NFATC3: variants seen among roughly 807,000 people sequenced by gnomAD.
NFATC3 encodes nuclear factor of activated T-cells, cytoplasmic 3.
A neutral mutation model predicts 98.6 loss-of-function variants in NFATC3; 46 were observed. That is an observed-to-expected ratio of 0.47 (90% confidence interval 0.37 to 0.60). The LOEUF is 0.60. Among genes scored for constraint, NFATC3 ranks in the 20% least tolerant of loss-of-function variants. The pLI, the probability that NFATC3 is intolerant of heterozygous loss-of-function variation, is 0.00. For missense variants in NFATC3, 1,256 were observed against 1,295.5 expected (o/e 0.97, Z 0.47); for synonymous variants, 512 against 472.2 (o/e 1.08, Z -1.09).
At chr16:68,126,683 G>C (rs1474735377) in intron 3 of NFATC3, 73 bp downstream of exon 3, 1 of 1,456,426 alleles carries the variant, frequency 6.9e-7, no homozygotes, top group Non-Finnish European at 9.4e-7. Flanking sequence ...ATTCAGTTAG[G>C]TACTAGAGAG....
chr16:68,138,978 C>G (rs1567516549), intron 3 of NFATC3, among the ~76,000 whole-genome samples: 1 of 152,158 alleles, frequency 6.6e-6, no homozygotes, highest in African/African-American at 2.4e-5. Context: ...ATTCACCTAT[C>G]TATCCATTTA....
chr16:68,103,617 C>G (rs929880175), intron 1 of NFATC3, among the ~76,000 whole-genome samples: 2 of 152,186 alleles, frequency 1.3e-5, no homozygotes. Context: ...AATCCATCGC[C>G]AAATCTGAAG....
chr16:68,121,879 T>C, intron 1 of NFATC3, 108 bp from the exon 2 acceptor site: 1 of 1,329,278 alleles, frequency 7.5e-7, no homozygotes, highest in East Asian at 2.3e-5. Context: ...TCCCACTTTT[T>C]TCTCTCGAGA....
intron 3 of NFATC3, among the ~76,000 whole-genome samples, chr16:68,130,902 T>G (rs1445720111): frequency 6.6e-6 from 1 of 152,210 alleles, no homozygotes; most frequent in African/African-American, 2.4e-5. Flanking sequence ...GAAGAGGATA[T>G]CCTTTCCCCA....
chr16:68,094,806 C>T (rs74024139), intron 1 of NFATC3, among the ~76,000 whole-genome samples: 1,796 of 152,180 alleles, frequency 0.012, 37 homozygotes, highest in African/African-American at 0.041. Context: ...AAAATAGTTA[C>T]ATTTGGATTG....
At chr16:68,139,591 A>G (rs1013337491) in intron 3 of NFATC3, among the ~76,000 whole-genome samples, 2 of 152,220 alleles carry the variant, frequency 1.3e-5, no homozygotes, top group Non-Finnish European at 2.9e-5. Context: ...CAAAAGAGCT[A>G]AGAAATTTCT....
At chr16:68,159,961 C>T (rs1400322604) in intron 4 of NFATC3, among the ~76,000 whole-genome samples, 1 of 151,654 alleles carries the variant, frequency 6.6e-6, no homozygotes, top group Admixed American at 6.6e-5. Flanking sequence ...GTCTGTAATC[C>T]CAGCTACTCA....
intron 9 of NFATC3, chr16:68,192,252 T>C: frequency 9.3e-6 from 1 of 107,736 alleles, no homozygotes; most frequent in South Asian, 2.9e-4. Flanking sequence ...TATATATATA[T>C]ATGTATGTGT....
rs2039598370 is a variant in NFATC3, at chr16:68,174,434, T to C, written c.1835T>C (p.Val612Ala). The C allele has an allele frequency of 1.2e-6, 2 of 1,606,878 alleles. No homozygotes were observed. The highest frequency in any genetic ancestry group is 1.7e-6 in the Non-Finnish European group (2 of 1,176,496). ...AAGTACAGTATCAACAGTTGTTCTG[T>C]AAATGGAGGTCATGAAATGGTTGTG... ...IEKYSINSCS[V>A]NGGHEMVVTG... Residue 612 changes from valine to alanine, a missense_variant, in exon 6 of 10, where the codon GTA (valine) becomes GCA (alanine). By Grantham distance (64) the Val-to-Ala change is moderately conservative. This residue lies in a region of NFATC3 where 636 missense variants were observed against 617.3 expected (regional missense o/e 1.03). Transcript: ENST00000346183.
intron 4 of NFATC3, among the ~76,000 whole-genome samples, chr16:68,164,900 TAAAA>T (rs2039114205): frequency 6.6e-6 from 1 of 152,138 alleles, no homozygotes; most frequent in Non-Finnish European, 1.5e-5. Context: ...AAAAACAATT[TAAAA>T]AAATAAATAA....
intron 3 of NFATC3, chr16:68,138,921 T>C: frequency 2.1e-6 from 1 of 471,318 alleles, no homozygotes; most frequent in Non-Finnish European, 3.3e-6. Context: ...CCAAGTAACT[T>C]AACCTTTCTT....
intron 3 of NFATC3, among the ~76,000 whole-genome samples, chr16:68,135,942 A>G (rs2037383391): frequency 6.6e-6 from 1 of 151,930 alleles, no homozygotes; most frequent in South Asian, 2.1e-4. Context: ...GCATGCCTGT[A>G]ATCCCAGCTA....
intron 4 of NFATC3, 109 bp downstream of exon 4, chr16:68,158,177 T>C: frequency 1.4e-6 from 1 of 694,974 alleles, no homozygotes; most frequent in Non-Finnish European, 2.3e-6. Flanking sequence ...TAAATGGCAT[T>C]ATGTAAATAA....
chr16:68,091,086 A>G (rs903033764), intron 1 of NFATC3, among the ~76,000 whole-genome samples: 1 of 152,196 alleles, frequency 6.6e-6, no homozygotes. Flanking sequence ...AACATTCATC[A>G]TTGCAAGAGC....
chr16:68,129,574 T>G (rs1244067922), intron 3 of NFATC3, among the ~76,000 whole-genome samples: 4 of 151,990 alleles, frequency 2.6e-5, no homozygotes, highest in African/African-American at 9.7e-5. Context: ...TAATTATTAC[T>G]CAAATGTTGG....
At chr16:68,132,442 C>T in intron 3 of NFATC3, among the ~76,000 whole-genome samples, 1 of 152,160 alleles carries the variant, frequency 6.6e-6, no homozygotes, top group East Asian at 1.9e-4. Flanking sequence ...CTTTACACTG[C>T]TAGTGGGAAT....
intron 1 of NFATC3, among the ~76,000 whole-genome samples, chr16:68,114,562 G>A (rs937214180): frequency 6.6e-6 from 1 of 150,538 alleles, no homozygotes; most frequent in Non-Finnish European, 1.5e-5. Context: ...CACATCAAGG[G>A]CCAAGGAAAA....
chr16:68,126,418 G>A, intron 2 of NFATC3, 30 bp from the exon 3 acceptor site: 1 of 1,589,228 alleles, frequency 6.3e-7, no homozygotes, highest in Non-Finnish European at 8.6e-7. Context: ...ATAGCATGGT[G>A]ACATGCATCT....
At chr16:68,112,592 A>G (rs1361171904) in intron 1 of NFATC3, among the ~76,000 whole-genome samples, 1 of 149,470 alleles carries the variant, frequency 6.7e-6, no homozygotes, top group Non-Finnish European at 1.5e-5. Context: ...ATTCTTTTAA[A>G]TAATCCCATA....
Sources: allele counts gnomAD v4.1 joint callset (sites outside exome capture counted in the v4.1 genomes callset), GRCh38; gene constraint gnomAD v4.1.1; regional missense constraint gnomAD v4.1.1; transcripts MANE v1.5; gene names NCBI Gene and HGNC (gene_info 2026-07-23, HGNC 2026-07-21).